The following STXBP5L variants were observed in gnomAD, a reference collection of about 807,000 sequenced individuals.
STXBP5L encodes the protein syntaxin binding protein 5L.
In STXBP5L, 65 loss-of-function variants were observed where a neutral mutation model predicts 144.5. That is an observed-to-expected ratio of 0.45 (90% CI 0.37 to 0.55). The LOEUF (loss-of-function observed/expected upper bound fraction) is 0.55, where lower values mean the gene tolerates loss of function less well. Ranked by LOEUF, STXBP5L falls within the 20% of genes least tolerant of loss-of-function variation. The pLI is 0.00. For synonymous variants in STXBP5L, 505 were observed against 469.6 expected, an observed-to-expected ratio of 1.08 and a Z score of -0.97; for missense variants, 1,298 against 1,405.5, an observed-to-expected ratio of 0.92 and a Z score of 1.22.
rs564386278 is a variant in STXBP5L at position 120,967,419 on chromosome 3, C to T, written c.287+12382C>T. Among the ~76,000 whole-genome samples the T allele has an allele frequency of 6.6e-5, 10 of 152,158 alleles. 1 individual carries two copies. Among genetic ancestry groups the T allele is most frequent in the African/African-American group, 2.4e-4 (10 of 41,438 alleles). On this transcript the variant is annotated intron_variant, in intron 3 of 26. Transcript: ENST00000471454. ...GCTGCAGACTGGAGTTGTTCCTATT[C>T]GGCCATCTTCAGTTGTGTGATTTTC...
chr3:121,355,599 A>C (rs1271202298), intron 20 of STXBP5L, among the ~76,000 whole-genome samples: 1 of 151,910 alleles, frequency 6.6e-6, no homozygotes, highest in East Asian at 1.9e-4. Context: ...ACCTTTTTTC[A>C]AGGTTTTTAG....
intron 5 of STXBP5L, among the ~76,000 whole-genome samples, chr3:121,091,378 A>G (rs1181440979): frequency 6.6e-6 from 1 of 150,512 alleles, no homozygotes; most frequent in African/African-American, 2.5e-5. Flanking sequence ...TGGTTGAACT[A>G]GTTTACAGTC....
chr3:121,393,908 C>T (rs2046658968), intron 22 of STXBP5L, among the ~76,000 whole-genome samples: 2 of 152,182 alleles, frequency 1.3e-5, no homozygotes, highest in Admixed American at 6.5e-5. Context: ...TTTGGCTATT[C>T]AGACTGTTTT....
intron 8 of STXBP5L, among the ~76,000 whole-genome samples, chr3:121,157,167 C>T (rs1231399146): frequency 1.3e-5 from 2 of 152,100 alleles, no homozygotes; most frequent in African/African-American, 2.4e-5. Context: ...CTCAATCTCT[C>T]AAGGCCTGTT....
intron 3 of STXBP5L, among the ~76,000 whole-genome samples, chr3:121,011,520 T>C (rs1216611521): frequency 6.6e-6 from 1 of 151,784 alleles, no homozygotes; most frequent in Non-Finnish European, 1.5e-5. Flanking sequence ...CTTGGTACCC[T>C]CTATTCCTCT....
At chr3:120,969,717 G>C (rs906880644) in intron 3 of STXBP5L, among the ~76,000 whole-genome samples, 1 of 151,900 alleles carries the variant, frequency 6.6e-6, no homozygotes, top group Admixed American at 6.6e-5. Context: ...CTTGATTTTT[G>C]TGTAAAGTGA....
At chr3:121,184,898 G>C (rs989369693) in intron 9 of STXBP5L, among the ~76,000 whole-genome samples, 6 of 152,128 alleles carry the variant, frequency 3.9e-5, no homozygotes, top group Admixed American at 1.3e-4. Context: ...AAAAGAGAGT[G>C]GGGACCAATA....
intron 7 of STXBP5L, among the ~76,000 whole-genome samples, chr3:121,125,763 TC>T (rs1256186934): frequency 6.6e-6 from 1 of 152,120 alleles, no homozygotes; most frequent in Non-Finnish European, 1.5e-5. Context: ...AATTCTGGAT[TC>T]AGAAGATGTG....
intron 20 of STXBP5L, among the ~76,000 whole-genome samples, chr3:121,371,764 GCCAAGGCCA>G (rs1196760010): frequency 6.6e-6 from 1 of 152,236 alleles, no homozygotes; most frequent in Non-Finnish European, 1.5e-5. Context: ...GCCGCCCAGT[GCCAAGGCCA>G]GGGCCACTAT....
chr3:121,012,744 G>A (rs544622157), intron 3 of STXBP5L, among the ~76,000 whole-genome samples: 152 of 151,870 alleles, frequency 1.0e-3, no homozygotes, highest in Non-Finnish European at 1.8e-3. Flanking sequence ...ACATTGGTAT[G>A]TTGTTTGATA....
At chr3:121,283,764 C>T (rs1200576754) in intron 19 of STXBP5L, among the ~76,000 whole-genome samples, 1 of 151,954 alleles carries the variant, frequency 6.6e-6, no homozygotes, top group African/African-American at 2.4e-5. Context: ...TACCCATCCT[C>T]TGCACCACAT....
At chr3:121,231,144 G>A (rs1577262997) in intron 11 of STXBP5L, among the ~76,000 whole-genome samples, 1 of 152,140 alleles carries the variant, frequency 6.6e-6, no homozygotes, top group Admixed American at 6.6e-5. Flanking sequence ...TATGCACATT[G>A]TGGCCTCAAG....
intron 22 of STXBP5L, among the ~76,000 whole-genome samples, chr3:121,394,456 G>A (rs578150740): frequency 6.6e-6 from 1 of 151,704 alleles, no homozygotes; most frequent in African/African-American, 2.4e-5. Flanking sequence ...CATAGGAGTG[G>A]TGAAAGTATA....
Position 121,313,347 on chromosome 3 carries a change from A to AC in STXBP5L, c.2111-5122dup, listed in dbSNP as rs1385321914. Reference sequence around the variant, plus strand: ...GGGCGGCTGGCCGGGCGGGGGGCTGACCCCCCACCTCCCTCCCGGACTGGG... The same window carrying AC: ...GGGCGGCTGGCCGGGCGGGGGGCTGACCCCCCCACCTCCCTCCCGGACTGGG... On this transcript the variant is annotated intron_variant, in intron 19 of 26. Transcript: ENST00000471454. 2.7e-3 allele frequency among the ~76,000 whole-genome samples: 304 copies of AC among 111,982 alleles called. 16 individuals are homozygous for AC. The highest frequency in any genetic ancestry group is 0.011 in the African/African-American group (277 of 26,196). The allele number at this position is 111,982 out of a possible 152,430, so 73.5% of individuals were successfully genotyped here.
chr3:121,107,543 T>A (rs1275925485), intron 5 of STXBP5L, among the ~76,000 whole-genome samples: 1 of 152,170 alleles, frequency 6.6e-6, no homozygotes, highest in East Asian at 1.9e-4. Context: ...TGGTCTTATT[T>A]CTGAGATCTA....
intron 21 of STXBP5L, among the ~76,000 whole-genome samples, chr3:121,380,395 A>G (rs910156001): frequency 2.0e-5 from 3 of 152,206 alleles, no homozygotes; most frequent in South Asian, 2.1e-4. Flanking sequence ...TATAAAAACA[A>G]TTATGAGTTA....
chr3:121,210,749 G>C (rs549850523), intron 10 of STXBP5L, among the ~76,000 whole-genome samples: 163 of 152,140 alleles, frequency 1.1e-3, no homozygotes, highest in Middle Eastern at 3.4e-3. Flanking sequence ...GTAGATGTGT[G>C]GTATTATTTC....
chr3:121,078,602 C>G (rs1441037219), intron 5 of STXBP5L, among the ~76,000 whole-genome samples: 1 of 152,242 alleles, frequency 6.6e-6, no homozygotes, highest in Non-Finnish European at 1.5e-5. Context: ...TTTGGGGAGG[C>G]TTGGGCCACA....
At chr3:120,963,364 G>A (rs1015060201) in intron 3 of STXBP5L, among the ~76,000 whole-genome samples, 2 of 152,198 alleles carry the variant, frequency 1.3e-5, no homozygotes, top group South Asian at 4.1e-4. Flanking sequence ...AGTTTTCAAA[G>A]GGAATGCTTC....
Sources: allele counts gnomAD v4.1 joint callset (sites outside exome capture counted in the v4.1 genomes callset), GRCh38; gene constraint gnomAD v4.1.1; transcripts MANE v1.5; gene names NCBI Gene and HGNC (gene_info 2026-07-23, HGNC 2026-07-21).